NRXN3: variants seen among roughly 807,000 people sequenced by gnomAD.
The protein encoded by NRXN3 is neurexin 3.
A neutral mutation model predicts 137.6 loss-of-function variants in NRXN3; 32 were observed. The observed-to-expected ratio is 0.23, with a 90% confidence interval of 0.18 to 0.31. NRXN3 has a LOEUF of 0.31. NRXN3 is among the 10% of genes least tolerant of loss of function. The pLI, the probability that NRXN3 is intolerant of heterozygous loss-of-function variation, is 1.00. For missense variants in NRXN3, 1,574 were observed against 2,062.5 expected (o/e 0.76, Z 4.59); for synonymous variants, 798 against 784.5 (o/e 1.02, Z -0.29).
intron 4 of NRXN3, among the ~76,000 whole-genome samples, chr14:78,392,332 G>T (rs992279975): frequency 6.6e-6 from 1 of 152,186 alleles, no homozygotes; most frequent in Admixed American, 6.6e-5. Context: ...AATGCATACA[G>T]ACTCCTCAAA....
At chr14:78,903,231 C>T (rs2099203341) in intron 10 of NRXN3, among the ~76,000 whole-genome samples, 1 of 148,246 alleles carries the variant, frequency 6.7e-6, no homozygotes, top group African/African-American at 2.5e-5. Flanking sequence ...TCACTGCAGC[C>T]TTGATGTCCT....
intron 15 of NRXN3, chr14:79,072,091 G>T (rs942773952): frequency 1.3e-5 from 2 of 152,128 alleles, no homozygotes; most frequent in African/African-American, 2.4e-5. Flanking sequence ...ACCCTTGTCT[G>T]TATGGCTTAT....
chr14:78,974,647 T>A (rs771884168), intron 14 of NRXN3, among the ~76,000 whole-genome samples: 22 of 152,246 alleles, frequency 1.4e-4, no homozygotes, highest in Non-Finnish European at 2.6e-4. Context: ...ATTCTTGTAA[T>A]GACTTGACAG....
intron 15 of NRXN3, among the ~76,000 whole-genome samples, chr14:79,003,635 T>C (rs2152346700): frequency 6.6e-6 from 1 of 152,142 alleles, no homozygotes; most frequent in African/African-American, 2.4e-5. Context: ...AACTATGGGG[T>C]TTCTGGTTTA....
At chr14:79,180,260 G>A (rs1036842768) in intron 15 of NRXN3, among the ~76,000 whole-genome samples, 12 of 152,124 alleles carry the variant, frequency 7.9e-5, no homozygotes, top group African/African-American at 2.9e-4. Flanking sequence ...AATGAAAGAA[G>A]GCCTATTGCT....
chr14:78,266,020 C>T (rs1204173990), intron 2 of NRXN3, among the ~76,000 whole-genome samples: 1 of 152,152 alleles, frequency 6.6e-6, no homozygotes, highest in Non-Finnish European at 1.5e-5. Flanking sequence ...ATGAAATGAA[C>T]CTGTACAATG....
chr14:78,454,445 C>T (rs1035911199), intron 4 of NRXN3, among the ~76,000 whole-genome samples: 2 of 152,186 alleles, frequency 1.3e-5, no homozygotes, highest in Non-Finnish European at 2.9e-5. Flanking sequence ...TTCAAATATA[C>T]CCATCATCAG....
intron 14 of NRXN3, among the ~76,000 whole-genome samples, chr14:78,981,003 A>G (rs2099487971): frequency 6.6e-6 from 1 of 152,084 alleles, no homozygotes; most frequent in African/African-American, 2.4e-5. Flanking sequence ...TAATAATGAC[A>G]ATGATAAAAA....
chr14:79,463,857 T>C (rs1045195424), intron 15 of NRXN3, among the ~76,000 whole-genome samples: 2 of 152,160 alleles, frequency 1.3e-5, no homozygotes, highest in African/African-American at 4.8e-5. Flanking sequence ...AAATCTTTGA[T>C]GAATTAAGAG....
intron 4 of NRXN3, among the ~76,000 whole-genome samples, chr14:78,577,623 G>A (rs761949301): frequency 5.9e-5 from 9 of 152,032 alleles, no homozygotes; most frequent in Non-Finnish European, 1.2e-4. Flanking sequence ...GTAGTACCAC[G>A]CCCAGCTAAT....
At chr14:78,247,405 A>G (rs755546257) in intron 2 of NRXN3, among the ~76,000 whole-genome samples, 2 of 152,174 alleles carry the variant, frequency 1.3e-5, no homozygotes, top group African/African-American at 2.4e-5. Context: ...CTGGCCGCGG[A>G]CTGAATTCCA....
chr14:78,922,788 G>C (rs145185496), intron 10 of NRXN3, among the ~76,000 whole-genome samples: 184 of 152,228 alleles, frequency 1.2e-3, no homozygotes, highest in Middle Eastern at 3.4e-3. Flanking sequence ...GATAGGTGCA[G>C]CACATCACCA....
At chr14:78,314,882 T>C (rs1413390638) in intron 4 of NRXN3, among the ~76,000 whole-genome samples, 14 of 86,046 alleles carry the variant, frequency 1.6e-4, no homozygotes, top group South Asian at 7.8e-4. Flanking sequence ...TTTTCCGTTC[T>C]TTCTTTCTTT....
intron 15 of NRXN3, among the ~76,000 whole-genome samples, chr14:79,057,113 G>A (rs536916672): frequency 6.6e-6 from 1 of 152,246 alleles, no homozygotes; most frequent in Admixed American, 6.5e-5. Context: ...TTCTCAAGTG[G>A]GTAACCAAAT....
intron 10 of NRXN3, among the ~76,000 whole-genome samples, chr14:78,899,755 AT>A (rs1173641042): frequency 2.0e-5 from 3 of 152,152 alleles, no homozygotes; most frequent in East Asian, 1.9e-4. Context: ...CTTAAAAAAA[AT>A]CTCTTAAATG....
chr14:79,163,654 A>G (rs1232389014), intron 15 of NRXN3, among the ~76,000 whole-genome samples: 1 of 151,870 alleles, frequency 6.6e-6, no homozygotes, highest in Non-Finnish European at 1.5e-5. Context: ...TAATTTAGTA[A>G]GCAAATGTCC....
intron 15 of NRXN3, among the ~76,000 whole-genome samples, chr14:79,014,417 G>A (rs753755604): frequency 2.6e-5 from 4 of 152,046 alleles, no homozygotes; most frequent in Non-Finnish European, 4.4e-5. Context: ...CTCCATTCAT[G>A]TTGCTGCAGA....
At chr14:78,920,859 T>C (rs2099269128) in intron 10 of NRXN3, among the ~76,000 whole-genome samples, 1 of 152,184 alleles carries the variant, frequency 6.6e-6, no homozygotes, top group Non-Finnish European at 1.5e-5. Context: ...ACCCAGAGCA[T>C]AGATGCCCTC....
chr14:78,599,664 G>A (rs2097186985), intron 4 of NRXN3, among the ~76,000 whole-genome samples: 1 of 152,014 alleles, frequency 6.6e-6, no homozygotes, highest in African/African-American at 2.4e-5. Context: ...CAGATTTTTT[G>A]TCCCTACAGC....
Sources: allele counts gnomAD v4.1 joint callset (sites outside exome capture counted in the v4.1 genomes callset), GRCh38; gene constraint gnomAD v4.1.1; transcripts MANE v1.5; gene names NCBI Gene and HGNC (gene_info 2026-07-23, HGNC 2026-07-21).